CDH13: variants seen among roughly 807,000 people sequenced by gnomAD.
CDH13 encodes cadherin 13, also known as cadherin-13.
A neutral mutation model predicts 63.8 loss-of-function variants in CDH13; 24 were observed. That is an observed-to-expected ratio of 0.38 (90% CI 0.27 to 0.53). The LOEUF (loss-of-function observed/expected upper bound fraction) is 0.53, where lower values mean the gene tolerates loss of function less well. Among genes scored for constraint, CDH13 ranks in the 20% least tolerant of loss-of-function variants. The pLI, the probability that CDH13 is intolerant of heterozygous loss-of-function variation, is 0.85. For missense variants in CDH13, 1,049 were observed against 903.1 expected, an observed-to-expected ratio of 1.16 and a Z score of -2.07; for synonymous variants, 503 against 355.3, an observed-to-expected ratio of 1.42 and a Z score of -4.67.
chr16:83,337,230 C>T (rs1006257599), intron 5 of CDH13, among the ~76,000 whole-genome samples: 2 of 152,134 alleles, frequency 1.3e-5, no homozygotes, highest in South Asian at 2.1e-4. Context: ...TACCTGCTCA[C>T]CCAACCCCCC....
chr16:83,134,461 A>T (rs938923907), intron 4 of CDH13, among the ~76,000 whole-genome samples: 1 of 150,502 alleles, frequency 6.6e-6, no homozygotes, highest in African/African-American at 2.4e-5. Context: ...AAGTGCTGGG[A>T]TTACAGGCAT....
intron 1 of CDH13, among the ~76,000 whole-genome samples, chr16:82,794,698 AAATAT>A (rs2036496425): frequency 6.6e-6 from 1 of 152,220 alleles, no homozygotes; most frequent in South Asian, 2.1e-4. Context: ...AACACCCTAT[AAATAT>A]AATACCCCTT....
chr16:82,651,607 T>A (rs1244726014), intron 1 of CDH13, among the ~76,000 whole-genome samples: 1 of 152,162 alleles, frequency 6.6e-6, no homozygotes, highest in Non-Finnish European at 1.5e-5. Context: ...AATAACCCTA[T>A]TAGGGAGGTG....
chr16:83,189,825 C>T (rs562492944), intron 4 of CDH13, among the ~76,000 whole-genome samples: 32 of 152,278 alleles, frequency 2.1e-4, no homozygotes, highest in Admixed American at 5.2e-4. Context: ...CCACACGTCA[C>T]GGGAGGGACC....
At chr16:82,906,139 A>G (rs1385107322) in intron 2 of CDH13, among the ~76,000 whole-genome samples, 1 of 152,214 alleles carries the variant, frequency 6.6e-6, no homozygotes, top group Non-Finnish European at 1.5e-5. Context: ...AAGCAAGGAA[A>G]GAGAATCTCT....
chr16:82,833,436 C>T (rs1175408062), intron 1 of CDH13, among the ~76,000 whole-genome samples: 1 of 152,200 alleles, frequency 6.6e-6, no homozygotes, highest in Non-Finnish European at 1.5e-5. Context: ...CTTGACTTCA[C>T]AGTCTAAATT....
chr16:83,735,025 G>T (rs1368747672), intron 10 of CDH13, among the ~76,000 whole-genome samples: 2 of 150,416 alleles, frequency 1.3e-5, no homozygotes, highest in African/African-American at 4.9e-5. Flanking sequence ...ATAAGCGTCA[G>T]TTCTGTGGGA....
chr16:82,777,293 T>C (rs1010312201), intron 1 of CDH13, among the ~76,000 whole-genome samples: 2 of 152,218 alleles, frequency 1.3e-5, no homozygotes, highest in African/African-American at 4.8e-5. Flanking sequence ...AGCTGCTTTA[T>C]AGAAGATGAA....
intron 5 of CDH13, among the ~76,000 whole-genome samples, chr16:83,307,162 G>A (rs1041599477): frequency 3.3e-5 from 5 of 152,318 alleles, no homozygotes; most frequent in African/African-American, 9.6e-5. Flanking sequence ...TCCTGGGAAT[G>A]TAAGTGGTAA....
At position 83,133,814 on chromosome 16, in the gene CDH13, G is replaced by C. The variant is rs139035410; in HGVS notation, c.483+8313G>C. On this transcript the variant is annotated intron_variant, in intron 4 of 13. Transcript: ENST00000567109. The stretch of plus-strand genomic sequence containing the variant: ...GAGCCCGGCCCATGGAATTTTACTT[G>C]ATCTCTTTTATACATTGTTTATACA... Among the ~76,000 whole-genome samples the C allele has an allele frequency of 9.2e-5, 14 of 152,222 alleles. No homozygotes were observed. The East Asian group carries it at 2.7e-3, about 29-fold the overall frequency.
intron 2 of CDH13, among the ~76,000 whole-genome samples, chr16:82,929,834 C>T (rs565478384): frequency 1.9e-4 from 29 of 151,614 alleles, no homozygotes; most frequent in African/African-American, 6.1e-4. Context: ...TACAGCATCC[C>T]GAAGAGACCA....
At chr16:83,289,186 G>A (rs1034445545) in intron 5 of CDH13, among the ~76,000 whole-genome samples, 8 of 141,974 alleles carry the variant, frequency 5.6e-5, no homozygotes, top group African/African-American at 2.3e-4. Flanking sequence ...GTCTGCATAT[G>A]AATGTGCGTG....
At chr16:83,011,555 T>G (rs745568681) in intron 2 of CDH13, among the ~76,000 whole-genome samples, 6 of 152,188 alleles carry the variant, frequency 3.9e-5, no homozygotes, top group Non-Finnish European at 7.3e-5. Context: ...TTTCCCCATC[T>G]GAGTCAACCG....
intron 2 of CDH13, among the ~76,000 whole-genome samples, chr16:82,917,790 C>T (rs976476512): frequency 1.3e-5 from 2 of 151,958 alleles, no homozygotes; most frequent in Non-Finnish European, 2.9e-5. Flanking sequence ...TGGCTGGCGC[C>T]TGTTATCTCA....
chr16:83,171,706 T>G, intron 4 of CDH13: 1 of 705,266 alleles, frequency 1.4e-6, no homozygotes, highest in Non-Finnish European at 2.5e-6. Context: ...CTCTCCCATT[T>G]CCCCAGAACC....
chr16:83,255,277 G>A (rs1056443949), intron 5 of CDH13, among the ~76,000 whole-genome samples: 5 of 152,166 alleles, frequency 3.3e-5, no homozygotes, highest in Non-Finnish European at 4.4e-5. Flanking sequence ...AAAAAGACAA[G>A]TGGAGAGATG....
intron 2 of CDH13, among the ~76,000 whole-genome samples, chr16:82,866,653 TG>T (rs1182257992): frequency 6.6e-6 from 1 of 152,040 alleles, no homozygotes; most frequent in African/African-American, 2.4e-5. Context: ...TGCCTGAGAC[TG>T]GGTAGTTTAT....
chr16:82,664,731 T>G (rs1268192359), intron 1 of CDH13, among the ~76,000 whole-genome samples: 1 of 152,212 alleles, frequency 6.6e-6, no homozygotes, highest in Non-Finnish European at 1.5e-5. Flanking sequence ...CTTTACTGGT[T>G]TGGTATGTAA....
chr16:82,934,555 A>G (rs1003914286), intron 2 of CDH13, among the ~76,000 whole-genome samples: 1 of 152,220 alleles, frequency 6.6e-6, no homozygotes, highest in African/African-American at 2.4e-5. Flanking sequence ...TTTCTGCAGC[A>G]GGCTTGAATT....
Sources: allele counts gnomAD v4.1 joint callset (sites outside exome capture counted in the v4.1 genomes callset), GRCh38; gene constraint gnomAD v4.1.1; transcripts MANE v1.5; gene names NCBI Gene and HGNC (gene_info 2026-07-23, HGNC 2026-07-21).